PSD3: variants seen among roughly 807,000 people sequenced by gnomAD.
PSD3 encodes the protein pleckstrin and Sec7 domain containing 3.
PSD3 carries 49 observed loss-of-function variants against 105.5 expected under a neutral mutation model. The ratio of observed to expected loss-of-function variants is 0.46; its 90% confidence interval spans 0.37 to 0.59. PSD3 has a LOEUF of 0.59. PSD3 is among the 20% of genes least tolerant of loss of function. PSD3 has a pLI of 0.00. For missense variants in PSD3, 1,561 were observed against 1,263.8 expected (o/e 1.24, Z -3.57); for synonymous variants, 557 against 457.8 (o/e 1.22, Z -2.77).
intron 4 of PSD3, chr8:18,808,639 G>T: frequency 7.6e-7 from 1 of 1,316,852 alleles, no homozygotes; most frequent in Non-Finnish European, 1.1e-6. Flanking sequence ...GGATAAATAT[G>T]TCCCTAGATG....
chr8:18,604,398 A>G (rs1804663440), intron 11 of PSD3, among the ~76,000 whole-genome samples: 1 of 151,156 alleles, frequency 6.6e-6, no homozygotes, highest in Non-Finnish European at 1.5e-5. Context: ...TCTAAGCAGG[A>G]AAAGTGCTCA....
At chr8:18,586,762 G>A (rs1803218099) in intron 12 of PSD3, among the ~76,000 whole-genome samples, 1 of 152,112 alleles carries the variant, frequency 6.6e-6, no homozygotes, top group Non-Finnish European at 1.5e-5. Context: ...TATCCCCAAG[G>A]CCGAGACGTT....
At chr8:18,584,002 T>C (rs778643996) in intron 12 of PSD3, among the ~76,000 whole-genome samples, 1 of 152,196 alleles carries the variant, frequency 6.6e-6, no homozygotes, top group Admixed American at 6.5e-5. Context: ...TGATACTGGA[T>C]ACTTAAGCCA....
intron 4 of PSD3, among the ~76,000 whole-genome samples, chr8:18,853,877 C>T (rs1344533362): frequency 2.6e-5 from 4 of 152,054 alleles, no homozygotes; most frequent in African/African-American, 9.7e-5. Flanking sequence ...CTCATTTTGC[C>T]CAAACATTGT....
In PSD3 at chr8:19,005,433, T is replaced by C. The variant is rs144714785; in HGVS notation, c.21+8130A>G. 9.4e-4 allele frequency among the ~76,000 whole-genome samples: 143 copies of C among 152,052 alleles called. No individual in the cohort carries two copies. The East Asian group carries it at 0.018, about 19-fold the overall frequency. ...ATTAGTGGTTGCCTGTGATGAGGGATAGGAGCAATGGGGAGAGGTGGCAAC... is the reference window on the plus strand; with the variant it reads ...ATTAGTGGTTGCCTGTGATGAGGGACAGGAGCAATGGGGAGAGGTGGCAAC... On this transcript the variant is annotated intron_variant, in intron 1 of 15. Coordinates refer to ENST00000327040, the MANE Select transcript of PSD3 (RefSeq NM_015310.4).
rs1799813509 is a variant in PSD3 at position 18,535,788 on chromosome 8, C to G, written c.3099G>C (p.Lys1033Asn). The G allele has an allele frequency of 3.1e-6, 5 of 1,613,980 alleles. No homozygotes were observed. The Admixed American group carries it at 6.7e-5, about 22-fold the overall frequency. ...TGCTTGGTGTTTCAGGTCGGTGATC[C>G]TTCCTCTCTGACACGTTACGCTTGA... is the stretch of plus-strand genomic sequence containing the variant. The part of the protein sequence containing the change: ...AKVKRNVSER[K>N]DHRPETPSIK... Residue 1033 changes from lysine to asparagine, a missense_variant, in exon 16 of 16, where the codon AAG becomes AAC. Transcript: ENST00000327040.
chr8:18,580,515 G>A (rs1163588310), intron 12 of PSD3, among the ~76,000 whole-genome samples: 1 of 152,008 alleles, frequency 6.6e-6, no homozygotes, highest in Non-Finnish European at 1.5e-5. Flanking sequence ...GCACCACTGT[G>A]TTCCAGCCTG....
chr8:18,571,198 A>G (rs1402032557), intron 14 of PSD3, among the ~76,000 whole-genome samples: 1 of 152,082 alleles, frequency 6.6e-6, no homozygotes, highest in Non-Finnish European at 1.5e-5. Flanking sequence ...GAACCACAGC[A>G]GCATCCAAAA....
intron 4 of PSD3, among the ~76,000 whole-genome samples, chr8:18,817,660 G>C (rs939032344): frequency 7.2e-5 from 11 of 152,186 alleles, no homozygotes; most frequent in African/African-American, 2.4e-4. Context: ...TTTCTTTCAT[G>C]AATCTGTATA....
chr8:18,951,750 C>G (rs1445051554), intron 1 of PSD3, among the ~76,000 whole-genome samples: 2 of 151,978 alleles, frequency 1.3e-5, no homozygotes, highest in African/African-American at 4.8e-5. Context: ...TTTGGGAGGC[C>G]GAGGCAGGTG....
intron 1 of PSD3, among the ~76,000 whole-genome samples, chr8:19,076,575 T>C (rs1046526240): frequency 6.6e-6 from 1 of 152,188 alleles, no homozygotes; most frequent in African/African-American, 2.4e-5. Context: ...TTAGAGTGAT[T>C]ACTTATATTA....
chr8:18,681,442 G>A (rs376152046), intron 9 of PSD3, among the ~76,000 whole-genome samples: 1 of 80,002 alleles, frequency 1.2e-5, no homozygotes, highest in Non-Finnish European at 2.3e-5. Context: ...CATTGTTTCT[G>A]TTTCAAAAAA....
intron 12 of PSD3, among the ~76,000 whole-genome samples, chr8:18,576,979 T>C (rs1033738458): frequency 1.3e-5 from 2 of 152,062 alleles, no homozygotes; most frequent in Non-Finnish European, 2.9e-5. Context: ...TTTGTTGTTG[T>C]TTGAATTTCT....
chr8:18,806,698 C>A (rs1292040538), intron 4 of PSD3, among the ~76,000 whole-genome samples: 5 of 152,166 alleles, frequency 3.3e-5, no homozygotes, highest in Admixed American at 6.5e-5. Flanking sequence ...AAGAGCCATG[C>A]CAGCTGGGCT....
chr8:18,762,847 C>G (rs1181964173), intron 9 of PSD3: 1 of 1,057,754 alleles, frequency 9.5e-7, no homozygotes, highest in African/African-American at 1.7e-5. Context: ...TTTCTTAACC[C>G]TTTCTCTTCA....
chr8:18,658,568 G>A (rs1809072532), intron 9 of PSD3, among the ~76,000 whole-genome samples: 1 of 150,016 alleles, frequency 6.7e-6, no homozygotes, highest in Non-Finnish European at 1.5e-5. Context: ...GGTCACCCGG[G>A]CTGGAGTACA....
intron 15 of PSD3, among the ~76,000 whole-genome samples, chr8:18,555,622 T>C (rs1441656926): frequency 1.3e-5 from 2 of 152,198 alleles, no homozygotes; most frequent in Non-Finnish European, 2.9e-5. Context: ...TGTTTTCAAC[T>C]TGGGTTTAAA....
At chr8:18,884,540 G>C (rs563640096) in intron 2 of PSD3, among the ~76,000 whole-genome samples, 2 of 152,006 alleles carry the variant, frequency 1.3e-5, no homozygotes, top group South Asian at 4.1e-4. Flanking sequence ...GAAAACTACG[G>C]TATGTAATCC....
chr8:18,998,691 A>G (rs938980029), intron 1 of PSD3, among the ~76,000 whole-genome samples: 3 of 151,938 alleles, frequency 2.0e-5, no homozygotes, highest in Admixed American at 6.6e-5. Flanking sequence ...CATCTCCACA[A>G]AAACAAAAAA....
Sources: allele counts gnomAD v4.1 joint callset (sites outside exome capture counted in the v4.1 genomes callset), GRCh38; gene constraint gnomAD v4.1.1; transcripts MANE v1.5; gene names NCBI Gene and HGNC (gene_info 2026-07-23, HGNC 2026-07-21).